Variants in ADORA1 observed in about 807,000 individuals in gnomAD.
The protein encoded by ADORA1 is adenosine receptor A1.
ADORA1 carries 6 observed loss-of-function variants against 19.9 expected under a neutral mutation model. The ratio of observed to expected loss-of-function variants is 0.30; its 90% CI spans 0.17 to 0.59. The LOEUF (loss-of-function observed/expected upper bound fraction) is 0.59, where lower values mean the gene tolerates loss of function less well. Ranked by LOEUF, ADORA1 falls within the 20% of genes least tolerant of loss-of-function variation. The pLI, the probability that ADORA1 is intolerant of heterozygous loss-of-function variation, is 0.87. For missense variants in ADORA1, 302 were observed against 439.2 expected, an observed-to-expected ratio of 0.69 and a Z score of 2.79; for synonymous variants, 194 against 188.4, an observed-to-expected ratio of 1.03 and a Z score of -0.24.
chr1:203,129,798 A>G (rs1399792147), intron 3 of ADORA1: 2 of 152,666 alleles, frequency 1.3e-5, no homozygotes, highest in Admixed American at 1.3e-4. Flanking sequence ...CCTCTGTTAC[A>G]GACAGGAGGA....
chr1:203,149,177 CTG>C (rs770904000), intron 3 of ADORA1, among the ~76,000 whole-genome samples: 1 of 152,146 alleles, frequency 6.6e-6, no homozygotes, highest in Non-Finnish European at 1.5e-5. Flanking sequence ...TGTACCAGGC[CTG>C]CATTTTCTTT....
chr1:203,133,435 G>C (rs6427992), intron 3 of ADORA1, among the ~76,000 whole-genome samples: 95,064 of 152,084 alleles, frequency 0.63, 30,039 homozygotes, highest in East Asian at 0.78. Context: ...CAATTCTTTA[G>C]CTAAATTGAG....
intron 3 of ADORA1, among the ~76,000 whole-genome samples, chr1:203,135,201 A>G (rs1442960551): frequency 1.3e-5 from 2 of 152,258 alleles, no homozygotes; most frequent in African/African-American, 4.8e-5. Context: ...CCTGGCACAG[A>G]GCAGGCATGC....
Position 203,165,258 on chromosome 1 carries a change from C to T in ADORA1, c.342-3C>T, listed in dbSNP as rs770560730. 1.9e-6 allele frequency: 3 copies of T among 1,591,322 alleles called. No homozygotes were observed. The highest frequency in any genetic ancestry group is 2.6e-6 in the Non-Finnish European group (3 of 1,168,574). On this transcript the variant is annotated splice_polypyrimidine_tract_variant and splice_region_variant and intron_variant, in intron 3 of 3. Transcript: ENST00000337894. This position sits in a 1 kb window ranked among gnomAD's most constrained non-coding sequence, Gnocchi z 5.9. ...CCTCACACTCTGCCCTCCTCTCCCC[C>T]AGGTACAAGATGGTGGTGACCCCCC...
At chr1:203,149,528 C>T (rs1298185723) in intron 3 of ADORA1, among the ~76,000 whole-genome samples, 9 of 152,172 alleles carry the variant, frequency 5.9e-5, no homozygotes, top group East Asian at 5.8e-4. Flanking sequence ...CCACCCAGGC[C>T]GGGAGTTGAG....
At chr1:203,135,119 T>A (rs1654463783) in intron 3 of ADORA1, among the ~76,000 whole-genome samples, 1 of 152,182 alleles carries the variant, frequency 6.6e-6, no homozygotes, top group African/African-American at 2.4e-5. Flanking sequence ...CTAGTCAATG[T>A]CGCTCTTTCT....
At chr1:203,142,785 C>T (rs565030298) in intron 3 of ADORA1, among the ~76,000 whole-genome samples, 7 of 152,136 alleles carry the variant, frequency 4.6e-5, no homozygotes, top group Non-Finnish European at 8.8e-5. Context: ...CTGTGCAGCT[C>T]CTGGTGGGGA....
chr1:203,165,179 C>G lies in ADORA1; in HGVS notation c.342-82C>G. The G allele has an allele frequency of 1.9e-6, 3 of 1,599,548 alleles. No individual in the cohort carries two copies. The highest frequency in any genetic ancestry group is 2.6e-6 in the Non-Finnish European group (3 of 1,173,686). On this transcript the variant is annotated intron_variant, in intron 3 of 3. Coordinates refer to ENST00000337894, the MANE Select transcript of ADORA1 (RefSeq NM_000674.3). This position sits in a 1 kb window ranked among gnomAD's most constrained non-coding sequence, Gnocchi z 5.9. ...GAGGAGGGTGCTCCTCTTAGAGGCC[C>G]CTGGAGGCCAGGCGTGCCTCAGAGG...
chr1:203,141,572 ATTTTTT>A (rs56188119), intron 3 of ADORA1, among the ~76,000 whole-genome samples: 17 of 73,566 alleles, frequency 2.3e-4, no homozygotes, highest in Admixed American at 4.0e-4. Context: ...TCTAACCTGG[ATTTTTT>A]TTTTTTTTTT....
Position 203,128,464 on chromosome 1 carries a change from G to A in ADORA1, c.-58+32G>A. On this transcript the variant is annotated intron_variant, in intron 2 of 3. Transcript: ENST00000337894. The surrounding 1 kb of genome is among the most constrained non-coding windows in gnomAD (Gnocchi z 5.9). ...TCCCTGCATCCTGTTCTGTGCACAG[G>A]GGTGGGCAGAGCCAGTCATGGGAGA... 7.8e-7 allele frequency: 1 copy of A among 1,276,416 alleles called. No individual in the cohort carries two copies. Among genetic ancestry groups the A allele is most frequent in the Non-Finnish European group, 1.0e-6 (1 of 976,346 alleles). 79.1% of individuals were successfully genotyped at this position (1,276,416 alleles called of 1,614,324 possible).
At chr1:203,146,707 G>A (rs1322023813) in intron 3 of ADORA1, among the ~76,000 whole-genome samples, 1 of 152,170 alleles carries the variant, frequency 6.6e-6, no homozygotes, top group Non-Finnish European at 1.5e-5. Context: ...AAGCTAAGAG[G>A]TCTGAGATTT....
At chr1:203,154,005 ACTAT>A (rs1655115644) in intron 3 of ADORA1, among the ~76,000 whole-genome samples, 1 of 152,106 alleles carries the variant, frequency 6.6e-6, no homozygotes, top group South Asian at 2.1e-4. Context: ...TCAATCCCTG[ACTAT>A]CCAAACCGCA....
chr1:203,129,174 C>T lies in ADORA1; in HGVS notation c.333C>T (p.Ile111=), dbSNP rs1558125201. The T allele has an allele frequency of 6.2e-7, 1 of 1,610,574 alleles. No homozygotes were observed. Among genetic ancestry groups the T allele is most frequent in the Middle Eastern group, 1.7e-4 (1 of 6,048 alleles). ...IAVDRYLRVK[I]PLRYKMVVTP... ...TGGACCGCTACCTCCGGGTCAAGAT[C>T]CCTCTCCGGTGAGTCCACAGCGCCG... The change falls in exon 3 of 4, where the codon ATC becomes ATT. Residue 111 remains isoleucine (I), a synonymous_variant. Coordinates refer to ENST00000337894, the MANE Select transcript of ADORA1 (RefSeq NM_000674.3).
chr1:203,146,516 C>G lies in ADORA1; in HGVS notation c.341+17334C>G, dbSNP rs1183044151. 3.3e-5 allele frequency among the ~76,000 whole-genome samples: 5 copies of G among 151,738 alleles called. No homozygotes were observed. The East Asian group carries it at 9.7e-4, about 29-fold the overall frequency. ...TGGTGGTGTGATCCTGTGGTCCCAG[C>G]TACTTGAGAAAGTGAGGCAGGAGGA... On this transcript the variant is annotated intron_variant, in intron 3 of 3. Transcript: ENST00000337894.
At chr1:203,133,396 TGAGC>T (rs1654405335) in intron 3 of ADORA1, among the ~76,000 whole-genome samples, 1 of 152,218 alleles carries the variant, frequency 6.6e-6, no homozygotes, top group African/African-American at 2.4e-5. Flanking sequence ...ATTACAGGCG[TGAGC>T]CACCTCGCCT....
intron 3 of ADORA1, among the ~76,000 whole-genome samples, chr1:203,156,544 A>T (rs1197472116): frequency 2.0e-5 from 3 of 152,106 alleles, no homozygotes; most frequent in Non-Finnish European, 4.4e-5. Flanking sequence ...AGGTAAGGGG[A>T]TGGGCCCTTC....
chr1:203,128,807 T>A lies in ADORA1; in HGVS notation c.-35T>A. 6.4e-7 allele frequency: 1 copy of A among 1,557,052 alleles called. No individual in the cohort carries two copies. Among genetic ancestry groups the A allele is most frequent in the East Asian group, 2.2e-5 (1 of 44,446 alleles). ...CAGGTGCTTGCCTCGTGCCCCTTGG[T>A]GCCCGTCTGCTGATGTGCCCAGCCT... On this transcript the variant is annotated 5_prime_UTR_variant, in exon 3 of 4. Coordinates refer to ENST00000337894, the MANE Select transcript of ADORA1 (RefSeq NM_000674.3). This position sits in a 1 kb window ranked among gnomAD's most constrained non-coding sequence, Gnocchi z 5.9.
At chr1:203,131,190 G>A (rs1654320059) in intron 3 of ADORA1, among the ~76,000 whole-genome samples, 1 of 152,148 alleles carries the variant, frequency 6.6e-6, no homozygotes, top group Admixed American at 6.5e-5. Flanking sequence ...AAGTGTGGCT[G>A]GATAGGTGAG....
chr1:203,155,016 TTTATTATTATTA>T (rs4020534), intron 3 of ADORA1, among the ~76,000 whole-genome samples: 6,477 of 142,336 alleles, frequency 0.046, 203 homozygotes, highest in South Asian at 0.08. Flanking sequence ...GCTCTTCCTA[TTTATTATTATTA>T]TTATTATTAT....
Sources: allele counts gnomAD v4.1 joint callset (sites outside exome capture counted in the v4.1 genomes callset), GRCh38; gene constraint gnomAD v4.1.1; non-coding constraint Gnocchi (gnomAD v3.1); transcripts MANE v1.5; gene names NCBI Gene and HGNC (gene_info 2026-07-23, HGNC 2026-07-21).